Variants in SNX29 observed in about 807,000 individuals in gnomAD.
The protein encoded by SNX29 is sorting nexin-29.
SNX29 carries 78 observed loss-of-function variants against 102.1 expected under a neutral mutation model. The observed-to-expected ratio is 0.76, with a 90% CI of 0.64 to 0.92. The LOEUF is 0.92. Ranked by LOEUF, SNX29 falls within the 40% of genes least tolerant of loss-of-function variation. SNX29 has a pLI of 0.00. For synonymous variants in SNX29, 580 were observed against 414.5 expected (o/e 1.40, Z -4.85); for missense variants, 1,280 against 1,061.7 (o/e 1.21, Z -2.86).
In SNX29 at chr16:12,563,985, C is replaced by T. The variant is rs575126041; in HGVS notation, c.2319-4521C>T. Among the ~76,000 whole-genome samples the T allele has an allele frequency of 4.0e-4, 56 of 141,192 alleles. 2 individuals carry two copies. In the South Asian group the frequency reaches 0.012, roughly 30 times the overall value. 92.6% of individuals were successfully genotyped at this position (141,192 alleles called of 152,430 possible). ...AAGGGCTTTTCAGATAAGGTTCCCTCTGCCCCTGCAGCACCCTCTTCCCCC... is the reference window on the plus strand; with the variant it reads ...AAGGGCTTTTCAGATAAGGTTCCCTTTGCCCCTGCAGCACCCTCTTCCCCC... On this transcript the variant is annotated intron_variant, in intron 20 of 20. Coordinates refer to ENST00000566228, the MANE Select transcript of SNX29 (RefSeq NM_032167.5).
intron 14 of SNX29, among the ~76,000 whole-genome samples, chr16:12,236,895 G>A (rs2077951195): frequency 6.6e-6 from 1 of 152,232 alleles, no homozygotes; most frequent in Admixed American, 6.5e-5. Context: ...CTTGACACGT[G>A]GTGAAGGTCA....
intron 18 of SNX29, among the ~76,000 whole-genome samples, chr16:12,476,283 C>T (rs1304545033): frequency 7.2e-6 from 1 of 138,746 alleles, no homozygotes; most frequent in African/African-American, 2.7e-5. Context: ...CACTGCCCTC[C>T]AGCCTGGGCA....
intron 1 of SNX29, among the ~76,000 whole-genome samples, chr16:11,982,570 C>G (rs1003601862): frequency 2.0e-5 from 3 of 151,932 alleles, no homozygotes; most frequent in Admixed American, 6.6e-5. Flanking sequence ...GCTGGGACTA[C>G]AGGCGCTTGC....
chr16:12,249,778 A>G (rs578031406), intron 14 of SNX29, among the ~76,000 whole-genome samples: 5 of 152,222 alleles, frequency 3.3e-5, no homozygotes, highest in Admixed American at 2.0e-4. Flanking sequence ...TGCATAGGGA[A>G]CACTGTATAC....
At position 12,461,491 on chromosome 16, in the gene SNX29, G is replaced by C. The variant is rs80169772; in HGVS notation, c.2038-16228G>C. Among the ~76,000 whole-genome samples the C allele has an allele frequency of 2.8e-3, 433 of 152,256 alleles. 2 individuals are homozygous for C. Among genetic ancestry groups the C allele is most frequent in the Admixed American group, 5.2e-3 (80 of 15,278 alleles). On this transcript the variant is annotated intron_variant, in intron 18 of 20. Transcript: ENST00000566228. ...TCCAAGACAAATGGAAACTTATTCTGTTCTTAAAACTCGTCTCCTCTATCA... is the reference window on the plus strand; with the variant it reads ...TCCAAGACAAATGGAAACTTATTCTCTTCTTAAAACTCGTCTCCTCTATCA...
intron 19 of SNX29, among the ~76,000 whole-genome samples, chr16:12,519,464 T>A (rs2090009092): frequency 6.6e-6 from 1 of 152,240 alleles, no homozygotes; most frequent in Non-Finnish European, 1.5e-5. Context: ...CAATGACTCA[T>A]CATTAATTTT....
At position 12,463,461 on chromosome 16, in the gene SNX29, C is replaced by T. The variant is rs930124412; in HGVS notation, c.2038-14258C>T. On this transcript the variant is annotated intron_variant, in intron 18 of 20. Coordinates refer to ENST00000566228, the MANE Select transcript of SNX29 (RefSeq NM_032167.5). ...CACATCTTACATGGATGGCGGCAGGCAAAGAAAGCTTGTGCAGAGAAACTC... is the reference window on the plus strand; with the variant it reads ...CACATCTTACATGGATGGCGGCAGGTAAAGAAAGCTTGTGCAGAGAAACTC... Among the ~76,000 whole-genome samples, 6 of 152,268 alleles carry T rather than the reference C, an allele frequency of 3.9e-5. No individual in the cohort carries two copies. In the South Asian group the frequency reaches 8.3e-4, roughly 21 times the overall value.
chr16:12,522,487 C>G (rs2090138028), intron 19 of SNX29, among the ~76,000 whole-genome samples: 2 of 152,134 alleles, frequency 1.3e-5, no homozygotes, highest in African/African-American at 2.4e-5. Flanking sequence ...CTACCCAAAT[C>G]TCCTGTCGAA....
chr16:12,183,807 A>G (rs2076448267), intron 13 of SNX29, among the ~76,000 whole-genome samples: 1 of 152,204 alleles, frequency 6.6e-6, no homozygotes, highest in Admixed American at 6.5e-5. Flanking sequence ...GTTTGCAGTA[A>G]AGAAGCCGGC....
chr16:12,500,369 G>A (rs891163884), intron 19 of SNX29, among the ~76,000 whole-genome samples: 23 of 152,208 alleles, frequency 1.5e-4, no homozygotes, highest in Non-Finnish European at 2.9e-5. Context: ...GGACCACCCA[G>A]AAGGCGGAAA....
intron 14 of SNX29, among the ~76,000 whole-genome samples, chr16:12,214,248 C>A (rs1253476322): frequency 6.6e-6 from 1 of 152,128 alleles, no homozygotes; most frequent in Non-Finnish European, 1.5e-5. Flanking sequence ...AAACAAAGAC[C>A]CAGAAACACA....
chr16:12,384,935 C>T (rs1269924213), intron 16 of SNX29, among the ~76,000 whole-genome samples: 1 of 152,164 alleles, frequency 6.6e-6, no homozygotes, highest in Non-Finnish European at 1.5e-5. Flanking sequence ...CTTTGGGAGG[C>T]CGAGGCAGGT....
At chr16:11,980,211 C>T (rs1399022360) in intron 1 of SNX29, among the ~76,000 whole-genome samples, 10 of 152,170 alleles carry the variant, frequency 6.6e-5, no homozygotes, top group Non-Finnish European at 1.5e-4. Context: ...CATCTACTTT[C>T]TGTCTCTGGA....
chr16:12,066,704 T>C (rs2051053839), intron 9 of SNX29, among the ~76,000 whole-genome samples: 1 of 150,018 alleles, frequency 6.7e-6, no homozygotes, highest in Admixed American at 6.7e-5. Flanking sequence ...GAGATTAGTG[T>C]TGGGAAGGTT....
Position 12,549,828 on chromosome 16 carries a change from C to A in SNX29, c.2319-18678C>A, listed in dbSNP as rs561215409. Among the ~76,000 whole-genome samples, 8 of 152,376 alleles carry A rather than the reference C, an allele frequency of 5.3e-5. No individual in the cohort carries two copies. In the South Asian group the frequency reaches 1.7e-3, roughly 32 times the overall value. On this transcript the variant is annotated intron_variant, in intron 20 of 20. Coordinates refer to ENST00000566228, the MANE Select transcript of SNX29 (RefSeq NM_032167.5). ...GGCTTCTGTGCCCTGTGTGGCCAGGCCTTGCCTCCTTGGCCGCATGACTGT... is the reference window on the plus strand; with the variant it reads ...GGCTTCTGTGCCCTGTGTGGCCAGGACTTGCCTCCTTGGCCGCATGACTGT...
intron 19 of SNX29, among the ~76,000 whole-genome samples, chr16:12,482,425 C>G (rs1040756127): frequency 6.6e-6 from 1 of 152,150 alleles, no homozygotes; most frequent in Non-Finnish European, 1.5e-5. Context: ...CTTCAGCCTC[C>G]CAAGTAGCTG....
intron 18 of SNX29, among the ~76,000 whole-genome samples, chr16:12,420,179 G>A (rs763531842): frequency 3.3e-5 from 5 of 152,238 alleles, no homozygotes; most frequent in African/African-American, 7.2e-5. Flanking sequence ...GATGTCTCCA[G>A]CATTGACACA....
chr16:12,130,368 G>A (rs576311244), intron 13 of SNX29, among the ~76,000 whole-genome samples: 2 of 151,102 alleles, frequency 1.3e-5, no homozygotes, highest in Admixed American at 6.6e-5. Flanking sequence ...CCAGCTACGC[G>A]GGAGGCTGAG....
chr16:12,360,946 C>G (rs566429704), intron 16 of SNX29, among the ~76,000 whole-genome samples: 2 of 152,146 alleles, frequency 1.3e-5, no homozygotes, highest in Non-Finnish European at 2.9e-5. Context: ...TTACAAAGCC[C>G]ATTTTCTTTC....
Sources: gnomAD v4.1 joint callset for allele counts (sites outside exome capture counted in the v4.1 genomes callset) on GRCh38, gnomAD v4.1.1 for gene constraint, MANE v1.5 for transcripts, NCBI Gene and HGNC (gene_info 2026-07-23, HGNC 2026-07-21) for gene names.